Variants in DIP2C observed in about 807,000 individuals in gnomAD.
DIP2C encodes DIP2 acetate--CoA ligase C (putative), also known as disco-interacting protein 2 homolog C.
DIP2C carries 33 observed loss-of-function variants against 192.4 expected under a neutral mutation model. The observed-to-expected ratio is 0.17, with a 90% CI of 0.13 to 0.23. The LOEUF (loss-of-function observed/expected upper bound fraction) is 0.23. Among genes scored for constraint, DIP2C ranks in the 10% least tolerant of loss-of-function variants. The pLI is 1.00. For synonymous variants in DIP2C, 979 were observed against 864.1 expected (o/e 1.13, Z -2.33); for missense variants, 1,537 against 2,110.1 (o/e 0.73, Z 5.32).
At chr10:468,485 G>A (rs1255187816) in intron 3 of DIP2C, among the ~76,000 whole-genome samples, 4 of 152,158 alleles carry the variant, frequency 2.6e-5, no homozygotes, top group Non-Finnish European at 4.4e-5. Flanking sequence ...ATGAGACCAG[G>A]TGCAGTGGCT....
chr10:474,876 TTTTA>T (rs572753256), intron 2 of DIP2C, among the ~76,000 whole-genome samples: 78 of 152,344 alleles, frequency 5.1e-4, no homozygotes, highest in Admixed American at 2.4e-3. Context: ...TTCAATAATC[TTTTA>T]TTCATTCCCA....
rs138035883 is a variant in DIP2C at position 384,731 on chromosome 10, G to A, written c.1663-92C>T. The A allele has an allele frequency of 1.1e-3, 1,345 of 1,264,046 alleles. 9 individuals are homozygous for A. In the African/African-American group the frequency reaches 0.018, roughly 17 times the overall value. The allele number at this position is 1,264,046 out of a possible 1,614,324, so 78.3% of individuals were successfully genotyped here. A position where few individuals can be genotyped will look rare whatever the true frequency, so the allele number is the denominator to read the frequency against. The stretch of plus-strand genomic sequence containing the variant: ...GTGGCATGGACACTAGGCCGCACGG[G>A]CAGGGGGGAGCTCTCAGGGAGCGCT... On this transcript the variant is annotated intron_variant, in intron 14 of 36. Transcript: ENST00000280886.
chr10:516,129 T>C (rs576016594), intron 1 of DIP2C, among the ~76,000 whole-genome samples: 46 of 149,524 alleles, frequency 3.1e-4, no homozygotes, highest in African/African-American at 1.1e-3. Context: ...CTCTGTACCT[T>C]TGTCCTCCAT....
intron 8 of DIP2C, among the ~76,000 whole-genome samples, chr10:412,097 A>G (rs1202857776): frequency 6.6e-6 from 1 of 152,208 alleles, no homozygotes; most frequent in Non-Finnish European, 1.5e-5. Flanking sequence ...TCTCCCATTC[A>G]TCTTAACCTT....
At chr10:278,630 TGGCTAA>T (rs1954651533) in intron 36 of DIP2C, among the ~76,000 whole-genome samples, 2 of 152,226 alleles carry the variant, frequency 1.3e-5, no homozygotes, top group Non-Finnish European at 1.5e-5. Flanking sequence ...CATACAGCCA[TGGCTAA>T]CCCATGTGCA....
intron 32 of DIP2C, among the ~76,000 whole-genome samples, chr10:295,983 T>C (rs903671996): frequency 2.0e-5 from 3 of 152,252 alleles, no homozygotes; most frequent in African/African-American, 4.8e-5. Context: ...CTCTTTCTTG[T>C]AAATTTGTTT....
At chr10:545,167 T>A (rs7094765) in intron 1 of DIP2C, among the ~76,000 whole-genome samples, 1 of 30,430 alleles carries the variant, frequency 3.3e-5, no homozygotes, top group East Asian at 4.1e-4. Flanking sequence ...GTGTTTTCCC[T>A]TTTTTTTTTT....
intron 1 of DIP2C, among the ~76,000 whole-genome samples, chr10:580,341 G>A (rs1175235290): frequency 1.3e-5 from 2 of 152,168 alleles, no homozygotes; most frequent in South Asian, 2.1e-4. Flanking sequence ...AGTGTGCGTA[G>A]TGTACATGCA....
chr10:345,433 C>T (rs539324442), intron 26 of DIP2C, among the ~76,000 whole-genome samples: 1 of 151,842 alleles, frequency 6.6e-6, no homozygotes, highest in Non-Finnish European at 1.5e-5. Context: ...ACACACACAC[C>T]CAGACACATC....
intron 1 of DIP2C, among the ~76,000 whole-genome samples, chr10:506,424 T>C (rs1156276977): frequency 6.6e-6 from 1 of 152,154 alleles, no homozygotes; most frequent in East Asian, 1.9e-4. Flanking sequence ...TCAGTGTGTG[T>C]AGCCCTGGGG....
chr10:294,399 G>A (rs1449300813), intron 32 of DIP2C, among the ~76,000 whole-genome samples: 3 of 152,134 alleles, frequency 2.0e-5, no homozygotes, highest in Admixed American at 2.0e-4. Context: ...TTGAGCCCAG[G>A]AGTTTGAGAC....
At chr10:682,382 G>C (rs1172904644) in intron 1 of DIP2C, among the ~76,000 whole-genome samples, 1 of 151,968 alleles carries the variant, frequency 6.6e-6, no homozygotes, top group Non-Finnish European at 1.5e-5. Context: ...CTCAAACTAG[G>C]GACCATAAAT....
chr10:654,442 T>C (rs1187733876), intron 1 of DIP2C, among the ~76,000 whole-genome samples: 1 of 152,198 alleles, frequency 6.6e-6, no homozygotes, highest in Non-Finnish European at 1.5e-5. Context: ...CCGGACTTCC[T>C]ACAATGCACA....
chr10:540,784 T>C (rs1384252971), intron 1 of DIP2C, among the ~76,000 whole-genome samples: 1 of 152,218 alleles, frequency 6.6e-6, no homozygotes, highest in Non-Finnish European at 1.5e-5. Flanking sequence ...GTAAGGTGCA[T>C]TTGCTTTTGG....
At chr10:671,329 A>G (rs1466071877) in intron 1 of DIP2C, among the ~76,000 whole-genome samples, 1 of 152,066 alleles carries the variant, frequency 6.6e-6, no homozygotes, top group Non-Finnish European at 1.5e-5. Context: ...AACGCCACAG[A>G]CGCACGGACG....
At chr10:589,611 T>C (rs975150529) in intron 1 of DIP2C, among the ~76,000 whole-genome samples, 1 of 152,250 alleles carries the variant, frequency 6.6e-6, no homozygotes, top group African/African-American at 2.4e-5. Context: ...CTTTGGGTCT[T>C]CTGGACTCCA....
chr10:601,116 A>T (rs1852045788), intron 1 of DIP2C, among the ~76,000 whole-genome samples: 1 of 152,226 alleles, frequency 6.6e-6, no homozygotes, highest in African/African-American at 2.4e-5. Context: ...TTTGGTTAAG[A>T]AAAACCAAAA....
chr10:635,170 A>C (rs1402834508), intron 1 of DIP2C, among the ~76,000 whole-genome samples: 1 of 152,208 alleles, frequency 6.6e-6, no homozygotes, highest in East Asian at 1.9e-4. Flanking sequence ...AAACCAGAAG[A>C]GCAGGGAACT....
chr10:661,604 G>A (rs998962824), intron 1 of DIP2C, among the ~76,000 whole-genome samples: 1 of 152,272 alleles, frequency 6.6e-6, no homozygotes, highest in East Asian at 1.9e-4. Flanking sequence ...GAACTGCACC[G>A]TGCAGCTCTT....
Sources: allele counts gnomAD v4.1 joint callset (sites outside exome capture counted in the v4.1 genomes callset), GRCh38; gene constraint gnomAD v4.1.1; transcripts MANE v1.5; gene names NCBI Gene and HGNC (gene_info 2026-07-23, HGNC 2026-07-21).